GPALPP1: variants seen among roughly 807,000 people sequenced by gnomAD.
GPALPP1 encodes the protein GPALPP motifs-containing protein 1.
A neutral mutation model predicts 38.9 loss-of-function variants in GPALPP1; 30 were observed. The observed-to-expected ratio is 0.77, with a 90% CI of 0.58 to 1.05. The LOEUF is 1.05. Among genes scored for constraint, GPALPP1 ranks in the 50% least tolerant of loss-of-function variants. GPALPP1 has a pLI of 0.00. For missense variants in GPALPP1, 384 were observed against 408.8 expected (o/e 0.94, Z 0.52); for synonymous variants, 120 against 139.2 (o/e 0.86, Z 0.97).
At chr13:44,990,473 C>T (rs1872714843) in intron 1 of GPALPP1, 1 of 152,668 alleles carries the variant, frequency 6.6e-6, no homozygotes, top group Non-Finnish European at 1.5e-5. Flanking sequence ...TTCCTAATTA[C>T]ATTGCATATT....
chr13:45,032,412 T>C (rs1270272334), downstream of GPALPP1, among the ~76,000 whole-genome samples: 1 of 152,100 alleles, frequency 6.6e-6, no homozygotes, highest in Non-Finnish European at 1.5e-5. Context: ...TTTGTTTTGT[T>C]TTTTGTTATT....
At chr13:45,012,370 G>A (rs1593395747) in intron 4 of GPALPP1, among the ~76,000 whole-genome samples, 1 of 152,236 alleles carries the variant, frequency 6.6e-6, no homozygotes, top group East Asian at 1.9e-4. Flanking sequence ...ATCTCGTGGG[G>A]AGAGGGACAG....
chr13:45,003,946 T>A (rs1275026557), intron 1 of GPALPP1, among the ~76,000 whole-genome samples: 1 of 152,098 alleles, frequency 6.6e-6, no homozygotes, highest in Non-Finnish European at 1.5e-5. Flanking sequence ...GGGTTTTTTT[T>A]TGTTTGTTTG....
chr13:45,023,056 T>C (rs1401561844), intron 7 of GPALPP1, among the ~76,000 whole-genome samples: 2 of 151,296 alleles, frequency 1.3e-5, no homozygotes, highest in African/African-American at 4.8e-5. Flanking sequence ...AAAAACTTTT[T>C]TTTAATAAAT....
At chr13:44,994,600 T>C (rs1873109917) in intron 1 of GPALPP1, among the ~76,000 whole-genome samples, 1 of 152,292 alleles carries the variant, frequency 6.6e-6, no homozygotes, top group African/African-American at 2.4e-5. Context: ...TCCCATCCCT[T>C]AGTTTCGTTC....
At chr13:45,018,269 C>T (rs149492611) in intron 6 of GPALPP1, among the ~76,000 whole-genome samples, 12,579 of 151,894 alleles carry the variant, frequency 0.083, 886 homozygotes, top group African/African-American at 0.17. Context: ...TGGTGGCGGG[C>T]GCCTGTAGTC....
chr13:44,999,339 T>C (rs1302263313), intron 1 of GPALPP1, among the ~76,000 whole-genome samples: 1 of 152,200 alleles, frequency 6.6e-6, no homozygotes, highest in African/African-American at 2.4e-5. Flanking sequence ...AACGCGTAAC[T>C]CCTGTTCTCA....
chr13:45,013,475 A>G (rs1472838980), intron 4 of GPALPP1, among the ~76,000 whole-genome samples: 1 of 152,220 alleles, frequency 6.6e-6, no homozygotes, highest in Non-Finnish European at 1.5e-5. Context: ...TGCCTAAACC[A>G]GTCAGCTGAG....
At position 45,020,432 on chromosome 13, in the gene GPALPP1, A is replaced by C; in HGVS notation, c.804+4A>C. ...TGAGCAGGTATCTTCATACAATGTA[A>C]GTAAGAAAATAAGATATATAGAGCC... On this transcript the variant is annotated splice_donor_region_variant and intron_variant, in intron 7 of 7. Coordinates refer to ENST00000379151, the MANE Select transcript of GPALPP1 (RefSeq NM_018559.5). 1.7e-6 allele frequency: 2 copies of C among 1,184,396 alleles called. No homozygotes were observed. The highest frequency in any genetic ancestry group is 2.5e-6 in the Non-Finnish European group (2 of 789,946). 73.4% of individuals were successfully genotyped at this position (1,184,396 alleles called of 1,614,324 possible). A position where few individuals can be genotyped will look rare whatever the true frequency, so the allele number is the denominator to read the frequency against.
At chr13:45,037,129 T>A (rs1308793606) in exon 8 of GPALPP1, 1 of 152,240 alleles carries the variant, frequency 6.6e-6, no homozygotes, top group Non-Finnish European at 1.5e-5. Context: ...ACCGCTGTCC[T>A]GCCCTTTAAA....
chr13:44,990,752 C>A (rs936690651), intron 1 of GPALPP1, among the ~76,000 whole-genome samples: 5 of 152,208 alleles, frequency 3.3e-5, no homozygotes, highest in African/African-American at 7.2e-5. Context: ...GTTTCTACTA[C>A]AGGCCCCTTT....
At chr13:45,009,978 C>T (rs945161108) in intron 4 of GPALPP1, among the ~76,000 whole-genome samples, 3 of 152,188 alleles carry the variant, frequency 2.0e-5, no homozygotes, top group Non-Finnish European at 4.4e-5. Flanking sequence ...CTCAACACAA[C>T]AGCTGAAGGG....
At chr13:44,993,889 C>T (rs749812161) in intron 1 of GPALPP1, among the ~76,000 whole-genome samples, 4 of 150,738 alleles carry the variant, frequency 2.7e-5, no homozygotes, top group Admixed American at 6.6e-5. Flanking sequence ...ATTTCCTTAA[C>T]GATTAGTGAT....
intron 4 of GPALPP1, among the ~76,000 whole-genome samples, chr13:45,013,199 A>G (rs1249731053): frequency 9.2e-5 from 14 of 152,138 alleles, no homozygotes; most frequent in Admixed American, 9.2e-4. Context: ...CAGTTTTTCC[A>G]CCTTCCTGCT....
At chr13:45,006,063 A>T (rs1566076328) in intron 2 of GPALPP1, 139 bp from the exon 3 acceptor site, 6 of 561,684 alleles carry the variant, frequency 1.1e-5, no homozygotes, top group Non-Finnish European at 1.3e-5. Context: ...CGTAGTATCC[A>T]GTTTTTATTT....
chr13:45,020,460 G>C, intron 7 of GPALPP1, 32 bp downstream of exon 7: 1 of 862,332 alleles, frequency 1.2e-6, no homozygotes, highest in Non-Finnish European at 2.0e-6. Flanking sequence ...ATAGAGCCAG[G>C]TGTGATGGCT....
In GPALPP1 at chr13:44,989,641, G is replaced by A. The variant is rs751025010; in HGVS notation, c.-14G>A. On this transcript the variant is annotated 5_prime_UTR_variant, in exon 1 of 8. Transcript: ENST00000379151. ...GGATAGACTCATATCTGTGACCAGTGTCCGCCACCGCGGATGGCAAGAGAC... is the reference window on the plus strand; with the variant it reads ...GGATAGACTCATATCTGTGACCAGTATCCGCCACCGCGGATGGCAAGAGAC... 211 of 1,606,850 alleles carry A rather than the reference G, an allele frequency of 1.3e-4. No individual in the cohort carries two copies. Among genetic ancestry groups the A allele is most frequent in the Middle Eastern group, 6.6e-4 (4 of 6,074 alleles).
chr13:45,007,546 A>G (rs1165828067), intron 3 of GPALPP1, among the ~76,000 whole-genome samples: 2 of 152,252 alleles, frequency 1.3e-5, no homozygotes, highest in African/African-American at 4.8e-5. Context: ...TAGCTTATAA[A>G]TGATACCTAA....
Position 45,029,233 on chromosome 13 carries a change from C to A in GPALPP1, c.*1230C>A, listed in dbSNP as rs1346792199. ...AACTTACTGAGTTTTCTTATTCTTA[C>A]CTCAGGGGGATTTCCCTGTGCAATG... On this transcript the variant is annotated 3_prime_UTR_variant, in exon 8 of 8. Coordinates refer to ENST00000379151, the MANE Select transcript of GPALPP1 (RefSeq NM_018559.5). 1 of 152,080 alleles carries A rather than the reference C, an allele frequency of 6.6e-6. No individual in the cohort carries two copies. Among genetic ancestry groups the A allele is most frequent in the African/African-American group, 2.4e-5 (1 of 41,406 alleles). The allele number at this position is 152,080 out of a possible 1,614,324, so 9.4% of individuals were successfully genotyped here. A position where few individuals can be genotyped will look rare whatever the true frequency, so the allele number is the denominator to read the frequency against.
Sources: gnomAD v4.1 joint callset for allele counts (sites outside exome capture counted in the v4.1 genomes callset) on GRCh38, gnomAD v4.1.1 for gene constraint, MANE v1.5 for transcripts, NCBI Gene and HGNC (gene_info 2026-07-23, HGNC 2026-07-21) for gene names.